Variants in PDE1C observed in about 807,000 individuals in gnomAD.
The protein encoded by PDE1C is phosphodiesterase 1C, also known as dual specificity calcium/calmodulin-dependent 3',5'-cyclic nucleotide phosphodiesterase 1C.
PDE1C carries 62 observed loss-of-function variants against 93.1 expected under a neutral mutation model. The observed-to-expected ratio is 0.67, with a 90% CI of 0.54 to 0.82. The LOEUF is 0.82. Among genes scored for constraint, PDE1C ranks in the 40% least tolerant of loss-of-function variants. The pLI is 0.00. For missense variants in PDE1C, 742 were observed against 884.6 expected, an observed-to-expected ratio of 0.84 and a Z score of 2.04; for synonymous variants, 325 against 310.1, an observed-to-expected ratio of 1.05 and a Z score of -0.50.
intron 3 of PDE1C, among the ~76,000 whole-genome samples, chr7:32,118,505 T>C (rs1383863455): frequency 6.6e-6 from 1 of 152,200 alleles, no homozygotes; most frequent in East Asian, 1.9e-4. Context: ...TATCTTATAG[T>C]CTTGTTCCTG....
the PDE1C span, among the ~76,000 whole-genome samples, chr7:31,695,032 G>A: frequency 2.6e-5 from 4 of 152,280 alleles, no homozygotes; most frequent in South Asian, 2.1e-4. Flanking sequence ...ACTGAGGACC[G>A]AGGGAACCTT....
the PDE1C span, chr7:31,696,959 A>G: frequency 6.2e-7 from 1 of 1,613,904 alleles, no homozygotes; most frequent in Non-Finnish European, 8.5e-7. Context: ...TCCCCTAACC[A>G]TGCAGGTGTG....
At chr7:31,969,361 C>T (rs551023798) in intron 2 of PDE1C, among the ~76,000 whole-genome samples, 4 of 152,132 alleles carry the variant, frequency 2.6e-5, no homozygotes, top group Non-Finnish European at 5.9e-5. Context: ...CAAAAGAAGA[C>T]ATTTATGTGG....
the PDE1C span, among the ~76,000 whole-genome samples, chr7:31,726,595 T>G: frequency 6.6e-6 from 1 of 152,196 alleles, no homozygotes; most frequent in African/African-American, 2.4e-5. Flanking sequence ...CGTAGTCATG[T>G]CTGATCACAG....
intron 1 of PDE1C, among the ~76,000 whole-genome samples, chr7:32,361,116 C>A (rs1025585856): frequency 6.6e-6 from 1 of 152,086 alleles, no homozygotes; most frequent in Non-Finnish European, 1.5e-5. Context: ...ACCTTCACAC[C>A]CGAGGCCTCA....
the PDE1C span, among the ~76,000 whole-genome samples, chr7:31,718,482 T>G: frequency 6.6e-6 from 1 of 152,172 alleles, no homozygotes; most frequent in Non-Finnish European, 1.5e-5. Flanking sequence ...AGCGAAAAAC[T>G]AGGAAGGCTC....
intron 2 of PDE1C, among the ~76,000 whole-genome samples, chr7:31,974,292 A>C (rs936847244): frequency 3.9e-5 from 6 of 152,242 alleles, no homozygotes; most frequent in Non-Finnish European, 7.3e-5. Context: ...CCTATTGATT[A>C]AAAGCAAAAT....
At chr7:31,743,594 C>T in the PDE1C span, among the ~76,000 whole-genome samples, 42 of 150,644 alleles carry the variant, frequency 2.8e-4, no homozygotes, top group Non-Finnish European at 4.9e-4. Flanking sequence ...CACACACACA[C>T]CAATTCTGTT....
At chr7:32,423,875 T>G (rs1785480856) in intron 1 of PDE1C, among the ~76,000 whole-genome samples, 1 of 152,118 alleles carries the variant, frequency 6.6e-6, no homozygotes, top group African/African-American at 2.4e-5. Flanking sequence ...CTTCAATAAT[T>G]TTAATACACA....
chr7:32,021,073 CTAATT>C (rs1163279068), intron 2 of PDE1C, among the ~76,000 whole-genome samples: 4 of 152,084 alleles, frequency 2.6e-5, no homozygotes, highest in Admixed American at 2.6e-4. Flanking sequence ...TGTCTCCTTT[CTAATT>C]TGAGTGTGAT....
intron 16 of PDE1C, chr7:31,788,004 G>A (rs984470656): frequency 6.6e-6 from 1 of 152,142 alleles, no homozygotes; most frequent in Non-Finnish European, 1.5e-5. Context: ...GCTTCACTGA[G>A]AGTTTTAGGT....
rs73689044 is a variant in PDE1C at position 32,159,482 on chromosome 7, C to A, written c.308+10303G>T. ...GGTACCTTAATTTCACTGCAACAAA[C>A]AAATGCAGTTAAAGTCATTCATCAT... On this transcript the variant is annotated intron_variant, in intron 3 of 18. Coordinates refer to the PDE1C transcript ENST00000396193. Among the ~76,000 whole-genome samples the A allele has an allele frequency of 7.3e-3, 1,107 of 152,230 alleles. 11 individuals are homozygous for A. The highest frequency in any genetic ancestry group is 0.025 in the African/African-American group (1,043 of 41,532).
intron 3 of PDE1C, among the ~76,000 whole-genome samples, chr7:32,134,922 T>TAATA (rs917138513): frequency 8.5e-5 from 13 of 152,092 alleles, no homozygotes; most frequent in Non-Finnish European, 1.0e-4. Context: ...ACTTAATGTG[T>TAATA]AATAAATAAA....
chr7:31,851,244 G>A (rs1793308489), intron 7 of PDE1C, among the ~76,000 whole-genome samples: 1 of 152,196 alleles, frequency 6.6e-6, no homozygotes, highest in Admixed American at 6.6e-5. Context: ...TGCTGATGAT[G>A]TTTGAAAGGA....
At position 32,355,592 on chromosome 7, in the gene PDE1C, C is replaced by A. The variant is rs215693; in HGVS notation, c.310+72230G>T. Reference sequence around the variant, plus strand: ...TGTGTCAAGATCTAGCAAGATCCGACATAAATGGCACTACTCTCTCAGCAT... The same window carrying A: ...TGTGTCAAGATCTAGCAAGATCCGAAATAAATGGCACTACTCTCTCAGCAT... On this transcript the variant is annotated intron_variant, in intron 1 of 1. Transcript: ENST00000672256. Among the ~76,000 whole-genome samples the A allele has an allele frequency of 1.7e-3, 264 of 152,314 alleles. 8 individuals carry two copies. In the East Asian group the frequency reaches 0.036, roughly 20 times the overall value.
At chr7:32,344,336 A>G (rs1244331832) in intron 1 of PDE1C, among the ~76,000 whole-genome samples, 2 of 152,188 alleles carry the variant, frequency 1.3e-5, no homozygotes, top group East Asian at 3.9e-4. Context: ...TAGGCCTCCC[A>G]AAGTGCTGGG....
At chr7:31,696,840 A>G in the PDE1C span, 9 of 1,105,038 alleles carry the variant, frequency 8.1e-6, no homozygotes, top group Non-Finnish European at 1.1e-5. Context: ...GTCTTGCTTT[A>G]TTAAAGTAAG....
chr7:31,768,531 T>C (rs1375501578), intron 17 of PDE1C, among the ~76,000 whole-genome samples: 1 of 152,198 alleles, frequency 6.6e-6, no homozygotes. Context: ...TTACTGATGA[T>C]CCTTTGTGTT....
At chr7:31,871,945 T>C (rs571766955) in intron 6 of PDE1C, among the ~76,000 whole-genome samples, 143 of 152,262 alleles carry the variant, frequency 9.4e-4, no homozygotes, top group African/African-American at 3.3e-3. Context: ...TGCAGTACTA[T>C]TCACAATAGC....
Sources: gnomAD v4.1 joint callset for allele counts (sites outside exome capture counted in the v4.1 genomes callset) on GRCh38, gnomAD v4.1.1 for gene constraint, MANE v1.5 for transcripts, NCBI Gene and HGNC (gene_info 2026-07-23, HGNC 2026-07-21) for gene names.